Variants in RAB2A observed in about 807,000 individuals in gnomAD.
RAB2A encodes RAB2A, member RAS oncogene family, also known as ras-related protein Rab-2A.
In RAB2A, 7 loss-of-function variants were observed where a neutral mutation model predicts 32.5. That is an observed-to-expected ratio of 0.22 (90% CI 0.12 to 0.40). RAB2A has a LOEUF of 0.40. RAB2A is among the 10% of genes least tolerant of loss of function. The pLI, the probability that RAB2A is intolerant of heterozygous loss-of-function variation, is 1.00. For missense variants in RAB2A, 108 were observed against 260.7 expected (o/e 0.41, Z 4.03); for synonymous variants, 79 against 85.2 (o/e 0.93, Z 0.40).
chr8:60,559,280 T>G (rs2056415), intron 2 of RAB2A: 8 of 203,622 alleles, frequency 3.9e-5, no homozygotes, highest in Non-Finnish European at 7.1e-5. Context: ...GTGCAAGCCA[T>G]TTCCCCGTTT....
At chr8:60,551,144 C>T (rs1807841609) in intron 1 of RAB2A, among the ~76,000 whole-genome samples, 1 of 152,202 alleles carries the variant, frequency 6.6e-6, no homozygotes, top group African/African-American at 2.4e-5. Flanking sequence ...TACATCCTTG[C>T]CCTGCTCTGC....
At chr8:60,570,275 A>T (rs1388701464) in intron 2 of RAB2A, among the ~76,000 whole-genome samples, 4 of 152,192 alleles carry the variant, frequency 2.6e-5, no homozygotes, top group Admixed American at 2.0e-4. Context: ...CATCCCTGAC[A>T]ATGGAAGGAA....
chr8:60,578,739 A>G lies in RAB2A; in HGVS notation c.187-5469A>G, dbSNP rs147791381. ...GAGGTGAAGATTACTACTAGTTGCCAGCCTGGTTACTACAAATATTGCTAT... is the reference window on the plus strand; with the variant it reads ...GAGGTGAAGATTACTACTAGTTGCCGGCCTGGTTACTACAAATATTGCTAT... On this transcript the variant is annotated intron_variant, in intron 3 of 7. Coordinates refer to ENST00000262646, the MANE Select transcript of RAB2A (RefSeq NM_002865.3). 5.5e-3 allele frequency among the ~76,000 whole-genome samples: 836 copies of G among 152,340 alleles called. 13 individuals carry two copies. The highest frequency in any genetic ancestry group is 7.2e-3 in the Non-Finnish European group (491 of 68,038).
chr8:60,542,522 AG>A (rs980749958), intron 1 of RAB2A, among the ~76,000 whole-genome samples: 2 of 149,146 alleles, frequency 1.3e-5, no homozygotes, highest in African/African-American at 5.0e-5. Flanking sequence ...CAAAAAAAAA[AG>A]AAAGAACACT....
intron 1 of RAB2A, among the ~76,000 whole-genome samples, chr8:60,522,885 A>G (rs186731953): frequency 3.9e-5 from 6 of 152,072 alleles, no homozygotes; most frequent in African/African-American, 1.4e-4. Context: ...CAGCAGCCCA[A>G]CCCCTAGAGA....
At chr8:60,538,325 T>C (rs1807588098) in intron 1 of RAB2A, among the ~76,000 whole-genome samples, 1 of 152,216 alleles carries the variant, frequency 6.6e-6, no homozygotes, top group Non-Finnish European at 1.5e-5. Context: ...GCTTATCTAA[T>C]GAAGGATACG....
chr8:60,590,905 TTTA>T (rs1803932240), intron 5 of RAB2A, among the ~76,000 whole-genome samples: 1 of 151,752 alleles, frequency 6.6e-6, no homozygotes, highest in South Asian at 2.1e-4. Context: ...AAACACCAAA[TTTA>T]GGTAGTGGTT....
At chr8:60,558,339 T>TA in intron 1 of RAB2A, 1 of 453,372 alleles carries the variant, frequency 2.2e-6, no homozygotes, top group Non-Finnish European at 4.4e-6. Context: ...TCAATTTTAA[T>TA]AGAGTGAAGG....
At chr8:60,593,059 C>T (rs1234389708) in intron 6 of RAB2A, among the ~76,000 whole-genome samples, 2 of 152,206 alleles carry the variant, frequency 1.3e-5, no homozygotes, top group African/African-American at 2.4e-5. Flanking sequence ...TGGAGCTCTT[C>T]TGATTAACCC....
chr8:60,603,823 C>T (rs1041970974), intron 6 of RAB2A, among the ~76,000 whole-genome samples: 14 of 152,110 alleles, frequency 9.2e-5, no homozygotes, highest in African/African-American at 3.4e-4. Context: ...GAGTTCAAGA[C>T]CAGCCTAGCC....
intron 6 of RAB2A, among the ~76,000 whole-genome samples, chr8:60,601,368 G>C (rs1337432829): frequency 6.6e-6 from 1 of 151,292 alleles, no homozygotes; most frequent in Non-Finnish European, 1.5e-5. Context: ...GAGATGGAGT[G>C]TCGCTCTCAC....
chr8:60,571,111 T>C (rs1586089385), intron 2 of RAB2A, among the ~76,000 whole-genome samples: 1 of 152,254 alleles, frequency 6.6e-6, no homozygotes, highest in East Asian at 1.9e-4. Context: ...TACTCCTATT[T>C]TGATGATTGA....
At chr8:60,533,357 T>C (rs934886804) in intron 1 of RAB2A, among the ~76,000 whole-genome samples, 4 of 152,230 alleles carry the variant, frequency 2.6e-5, no homozygotes, top group African/African-American at 7.2e-5. Context: ...AATGCTGATA[T>C]GAAGGCTATA....
At chr8:60,541,492 C>T (rs969188347) in intron 1 of RAB2A, among the ~76,000 whole-genome samples, 2 of 152,150 alleles carry the variant, frequency 1.3e-5, no homozygotes, top group African/African-American at 4.8e-5. Flanking sequence ...AGTTCCAGAT[C>T]AGCCTGGCCA....
chr8:60,547,139 A>G (rs1807742476), intron 1 of RAB2A, among the ~76,000 whole-genome samples: 1 of 151,616 alleles, frequency 6.6e-6, no homozygotes, highest in South Asian at 2.1e-4. Flanking sequence ...TTAACAAAGC[A>G]CATCTTGCAC....
intron 6 of RAB2A, among the ~76,000 whole-genome samples, chr8:60,606,307 T>C (rs1317461763): frequency 6.6e-6 from 1 of 152,196 alleles, no homozygotes; most frequent in Non-Finnish European, 1.5e-5. Context: ...GAAGTACTGT[T>C]AGGAAGTGAC....
intron 1 of RAB2A, among the ~76,000 whole-genome samples, chr8:60,526,649 C>G (rs1807394315): frequency 6.6e-6 from 1 of 152,100 alleles, no homozygotes; most frequent in South Asian, 2.1e-4. Flanking sequence ...TAAAGGCCTG[C>G]ATTAGTCCAT....
chr8:60,541,209 A>G (rs1281299076), intron 1 of RAB2A, among the ~76,000 whole-genome samples: 1 of 152,210 alleles, frequency 6.6e-6, no homozygotes, highest in Non-Finnish European at 1.5e-5. Flanking sequence ...GCATGTTACA[A>G]AATACCTAAT....
chr8:60,531,623 C>G (rs2130810732), intron 1 of RAB2A, among the ~76,000 whole-genome samples: 1 of 152,166 alleles, frequency 6.6e-6, no homozygotes, highest in East Asian at 1.9e-4. Flanking sequence ...CATGTGTTAA[C>G]CACAAAATGG....
Sources: gnomAD v4.1 joint callset for allele counts (sites outside exome capture counted in the v4.1 genomes callset) on GRCh38, gnomAD v4.1.1 for gene constraint, MANE v1.5 for transcripts, NCBI Gene and HGNC (gene_info 2026-07-23, HGNC 2026-07-21) for gene names.